GRM8: variants seen among roughly 807,000 people sequenced by gnomAD.
The protein encoded by GRM8 is glutamate metabotropic receptor 8.
GRM8 carries 47 observed loss-of-function variants against 87.2 expected under a neutral mutation model. That is an observed-to-expected ratio of 0.54 (90% CI 0.43 to 0.69). The LOEUF is 0.69. Ranked by LOEUF, GRM8 falls within the 30% of genes least tolerant of loss-of-function variation. GRM8 has a pLI of 0.00. For synonymous variants in GRM8, 396 were observed against 404.5 expected (o/e 0.98, Z 0.25); for missense variants, 1,019 against 1,139.2 (o/e 0.89, Z 1.52).
intron 6 of GRM8, among the ~76,000 whole-genome samples, chr7:126,873,417 C>T (rs928347466): frequency 1.5e-4 from 23 of 152,146 alleles, no homozygotes; most frequent in Admixed American, 2.6e-4. Flanking sequence ...TTTTGGCCTA[C>T]GTGTTCCATA....
intron 3 of GRM8, among the ~76,000 whole-genome samples, chr7:127,013,542 G>T (rs931723741): frequency 7.2e-6 from 1 of 138,358 alleles, no homozygotes; most frequent in Admixed American, 7.1e-5. Flanking sequence ...GGGGATGGGG[G>T]ATGGGGGCAG....
intron 6 of GRM8, among the ~76,000 whole-genome samples, chr7:126,801,814 G>C (rs1225949865): frequency 6.6e-6 from 1 of 152,032 alleles, no homozygotes; most frequent in African/African-American, 2.4e-5. Context: ...GGCCATAGTG[G>C]GTTGTCTGTC....
intron 7 of GRM8, among the ~76,000 whole-genome samples, chr7:126,751,047 T>TATTTTGAGG (rs1161372566): frequency 6.6e-6 from 1 of 152,132 alleles, no homozygotes; most frequent in African/African-American, 2.4e-5. Context: ...TACTTTATAT[T>TATTTTGAGG]ATTTTGAGGA....
intron 7 of GRM8, among the ~76,000 whole-genome samples, chr7:126,649,922 T>A (rs1458093528): frequency 2.0e-5 from 3 of 152,202 alleles, no homozygotes. Context: ...GGATTGTATT[T>A]GGAGCCTTTG....
At chr7:126,829,949 C>T (rs1795198587) in intron 6 of GRM8, among the ~76,000 whole-genome samples, 1 of 151,940 alleles carries the variant, frequency 6.6e-6, no homozygotes, top group South Asian at 2.1e-4. Context: ...TTTTATTTCT[C>T]CTTCACTTAT....
intron 3 of GRM8, among the ~76,000 whole-genome samples, chr7:126,934,816 A>G (rs117868754): frequency 3.7e-3 from 569 of 152,156 alleles, no homozygotes; most frequent in Non-Finnish European, 5.5e-3. Context: ...GAATACTTTG[A>G]CTCCTTGGAG....
chr7:126,467,417 AAC>A (rs1261679510), intron 9 of GRM8, among the ~76,000 whole-genome samples: 1 of 152,086 alleles, frequency 6.6e-6, no homozygotes, highest in Non-Finnish European at 1.5e-5. Flanking sequence ...TTTAAAAAAG[AAC>A]AGATATCGAA....
intron 6 of GRM8, among the ~76,000 whole-genome samples, chr7:126,794,420 G>A (rs1427085067): frequency 6.6e-6 from 1 of 151,928 alleles, no homozygotes; most frequent in Non-Finnish European, 1.5e-5. Flanking sequence ...TTAACATACT[G>A]TCATCACAGA....
intron 3 of GRM8, among the ~76,000 whole-genome samples, chr7:126,963,585 T>C (rs890221929): frequency 6.6e-6 from 1 of 151,548 alleles, no homozygotes; most frequent in African/African-American, 2.4e-5. Flanking sequence ...ACAAAGAAAA[T>C]AAAATACCTA....
In GRM8 at chr7:126,533,194, T is replaced by C; in HGVS notation, c.2188A>G (p.Thr730Ala). ...HIIIDYGEQR[T>A]LDPEKARGVL... ...CCCCTGGCCTTCTCTGGATCTAGTG[T>C]CCGCTGCTCTCCATAGTCAATGATG... Residue 730 changes from threonine to alanine, a missense_variant, in exon 9 of 11, where the codon ACA becomes GCA. Physicochemically the swap from Thr to Ala is moderately conservative, Grantham distance 58. Coordinates refer to ENST00000339582, the MANE Select transcript of GRM8 (RefSeq NM_000845.3). The C allele has an allele frequency of 1.2e-6, 2 of 1,612,708 alleles. No homozygotes were observed. The highest frequency in any genetic ancestry group is 1.7e-6 in the Non-Finnish European group (2 of 1,179,562).
chr7:127,031,677 CT>C (rs981642883), intron 3 of GRM8, among the ~76,000 whole-genome samples: 1 of 152,160 alleles, frequency 6.6e-6, no homozygotes, highest in African/African-American at 2.4e-5. Context: ...ATAGAGTTCA[CT>C]TATTTTCTTC....
Position 127,005,742 on chromosome 7 carries a change from C to A in GRM8, c.727+100754G>T, listed in dbSNP as rs575297491. 1.5e-4 allele frequency among the ~76,000 whole-genome samples: 23 copies of A among 152,028 alleles called. 1 individual carries two copies. In the South Asian group the frequency reaches 4.8e-3, roughly 32 times the overall value. Reference sequence around the variant, plus strand: ...CTCTTTTTCTCCTGTGTTCACCTAACAAACTGAAACTCTGTTAAAACCCAA... The same window carrying A: ...CTCTTTTTCTCCTGTGTTCACCTAAAAAACTGAAACTCTGTTAAAACCCAA... On this transcript the variant is annotated intron_variant, in intron 3 of 10. Coordinates refer to ENST00000339582, the MANE Select transcript of GRM8 (RefSeq NM_000845.3).
intron 7 of GRM8, among the ~76,000 whole-genome samples, chr7:126,705,218 T>C (rs886274000): frequency 2.0e-5 from 3 of 152,194 alleles, no homozygotes; most frequent in Non-Finnish European, 2.9e-5. Context: ...TCTGCTTACT[T>C]TGCTATAATT....
At chr7:126,942,739 G>C (rs1420974021) in intron 3 of GRM8, among the ~76,000 whole-genome samples, 1 of 152,160 alleles carries the variant, frequency 6.6e-6, no homozygotes, top group Non-Finnish European at 1.5e-5. Flanking sequence ...GAAACAGGCA[G>C]AGTGAAGATG....
Position 126,918,717 on chromosome 7 carries a change from T to G in GRM8, c.728-14034A>C, listed in dbSNP as rs113484183. ...AGGTCAATATTGCATTATTTAAAGA[T>G]GCACTGTCAAACAATCTTTTACTGA... On this transcript the variant is annotated intron_variant, in intron 3 of 10. Transcript: ENST00000339582. Among the ~76,000 whole-genome samples the G allele has an allele frequency of 4.7e-3, 721 of 152,318 alleles. 7 individuals are homozygous for G. Among genetic ancestry groups the G allele is most frequent in the Non-Finnish European group, 7.5e-3 (507 of 68,022 alleles).
intron 2 of GRM8, among the ~76,000 whole-genome samples, chr7:127,170,213 A>G (rs938993198): frequency 3.9e-5 from 6 of 152,188 alleles, no homozygotes; most frequent in African/African-American, 1.4e-4. Flanking sequence ...AAGATATACA[A>G]ACGGCCAACA....
intron 6 of GRM8, among the ~76,000 whole-genome samples, chr7:126,895,382 A>G (rs1801446020): frequency 6.6e-6 from 1 of 152,006 alleles, no homozygotes; most frequent in Admixed American, 6.6e-5. Context: ...CTGTTACTCA[A>G]AGTATACCCT....
chr7:126,946,894 T>C (rs1248929654), intron 3 of GRM8, among the ~76,000 whole-genome samples: 2 of 152,212 alleles, frequency 1.3e-5, no homozygotes, highest in African/African-American at 4.8e-5. Flanking sequence ...TGCTGATTCA[T>C]ACCTAGACAC....
intron 3 of GRM8, among the ~76,000 whole-genome samples, chr7:126,926,377 C>G (rs12669621): frequency 6.6e-6 from 1 of 152,138 alleles, no homozygotes; most frequent in Non-Finnish European, 1.5e-5. Context: ...CAATGAGTCA[C>G]TAAGTCCTAC....
Sources: allele counts gnomAD v4.1 joint callset (sites outside exome capture counted in the v4.1 genomes callset), GRCh38; gene constraint gnomAD v4.1.1; transcripts MANE v1.5; gene names NCBI Gene and HGNC (gene_info 2026-07-23, HGNC 2026-07-21).